Variants in WNT7A observed in about 807,000 individuals in gnomAD.
The protein encoded by WNT7A is protein Wnt-7a.
In WNT7A, 16 loss-of-function variants were observed where a neutral mutation model predicts 28.2. The ratio of observed to expected loss-of-function variants is 0.57; its 90% CI spans 0.38 to 0.86. The LOEUF is 0.86. Among genes scored for constraint, WNT7A ranks in the 40% least tolerant of loss-of-function variants. The probability of loss-of-function intolerance (pLI) is 0.00; values close to 1 mark genes in which losing one functional copy is unlikely to be tolerated. For synonymous variants in WNT7A, 190 were observed against 195.9 expected, an observed-to-expected ratio of 0.97 and a Z score of 0.25; for missense variants, 411 against 489.7, an observed-to-expected ratio of 0.84 and a Z score of 1.52.
rs138905870 is a variant in WNT7A, at chr3:13,830,996, G to A, written c.571-11573C>T. On this transcript the variant is annotated intron_variant, in intron 3 of 3. Transcript: ENST00000285018. ...GATGCAGCAGCTGGGTTAAATGACC[G>A]AAGGTGGAGTTCCAGGGGAAGGAGG... 3.4e-3 allele frequency among the ~76,000 whole-genome samples: 519 copies of A among 152,288 alleles called. 2 individuals are homozygous for A. The highest frequency in any genetic ancestry group is 0.017 in the Middle Eastern group (5 of 294).
Position 13,817,439 on chromosome 3 carries a change from C to CGT in WNT7A, c.*1504_*1505insAC, listed in dbSNP as rs1694023314. ...AAGATACAGTACACACACACACACA[C>CGT]ACACACACACACACACACACACACA... On this transcript the variant is annotated 3_prime_UTR_variant, in exon 4 of 4. Coordinates refer to ENST00000285018, the MANE Select transcript of WNT7A (RefSeq NM_004625.4). The CGT allele has an allele frequency of 2.1e-5, 2 of 97,036 alleles. No individual in the cohort carries two copies. Among genetic ancestry groups the CGT allele is most frequent in the African/African-American group, 9.9e-5 (2 of 20,280 alleles). The allele number at this position is 97,036 out of a possible 1,614,324, so 6.0% of individuals were successfully genotyped here. A position where few individuals can be genotyped will look rare whatever the true frequency, so the allele number is the denominator to read the frequency against.
intron 2 of WNT7A, 48 bp from the exon 3 acceptor site, chr3:13,854,851 A>T (rs1694705029): frequency 6.2e-7 from 1 of 1,607,302 alleles, no homozygotes; most frequent in African/African-American, 1.3e-5. Context: ...GGTCCCAAGC[A>T]TCTGAGAGGA....
intron 2 of WNT7A, among the ~76,000 whole-genome samples, chr3:13,865,250 C>T (rs1049070563): frequency 2.6e-5 from 4 of 152,158 alleles, no homozygotes; most frequent in African/African-American, 9.7e-5. Context: ...CCCTGACTCT[C>T]CAGGAGCAGG....
At chr3:13,820,427 G>A (rs1694088911) in intron 3 of WNT7A, among the ~76,000 whole-genome samples, 1 of 151,822 alleles carries the variant, frequency 6.6e-6, no homozygotes, top group African/African-American at 2.4e-5. Context: ...AAAGCCTTGA[G>A]GCTAAACTAA....
chr3:13,852,133 G>A (rs924845164), intron 3 of WNT7A, among the ~76,000 whole-genome samples: 2 of 152,226 alleles, frequency 1.3e-5, no homozygotes, highest in African/African-American at 2.4e-5. Context: ...ACTGCCAGGG[G>A]AGTTGGGGGC....
At chr3:13,847,451 TTCAGGGTCTCAG>T in intron 3 of WNT7A, among the ~76,000 whole-genome samples, 1 of 152,220 alleles carries the variant, frequency 6.6e-6, no homozygotes, top group South Asian at 2.1e-4. Context: ...GCCCCTCCAG[TTCAGGGTCTCAG>T]TCTCTCATTG....
intron 2 of WNT7A, among the ~76,000 whole-genome samples, chr3:13,856,921 A>G (rs867714834): frequency 1.3e-4 from 14 of 104,958 alleles, no homozygotes; most frequent in Non-Finnish European, 2.4e-4. Context: ...GAAGAAGAAG[A>G]AGAAGAAGAA....
At chr3:13,824,504 T>A (rs1466884221) in intron 3 of WNT7A, among the ~76,000 whole-genome samples, 1 of 152,176 alleles carries the variant, frequency 6.6e-6, no homozygotes, top group East Asian at 1.9e-4. Context: ...CATCCATCGG[T>A]CATTGGACAG....
At chr3:13,853,510 C>T (rs1430776460) in intron 3 of WNT7A, among the ~76,000 whole-genome samples, 1 of 152,218 alleles carries the variant, frequency 6.6e-6, no homozygotes, top group Non-Finnish European at 1.5e-5. Context: ...ATTCCTCCCC[C>T]ACTCACCAGA....
intron 3 of WNT7A, among the ~76,000 whole-genome samples, chr3:13,827,992 A>C (rs1352494373): frequency 6.2e-5 from 9 of 144,362 alleles, no homozygotes; most frequent in East Asian, 2.3e-4. Flanking sequence ...AGCCCCACCC[A>C]ACCCCAGTCC....
chr3:13,875,065 G>C lies in WNT7A; in HGVS notation c.180C>G (p.Ile60Met). ...CCATTTGTGAGCCTTCTCCTATGAC[G>C]ATGATGGCGTCGGGCCGGCTCTGGC... ...AICQSRPDAIIVIGEGSQMGL... is the reference protein window; with the variant it reads ...AICQSRPDAIMVIGEGSQMGL... Residue 60 changes from isoleucine (I) to methionine (M), a missense_variant, in exon 2 of 4, where the codon ATC becomes ATG. By Grantham distance (10) the Ile-to-Met change is conservative. Coordinates refer to ENST00000285018, the MANE Select transcript of WNT7A (RefSeq NM_004625.4). The C allele has an allele frequency of 6.2e-7, 1 of 1,614,240 alleles. No homozygotes were observed. Among genetic ancestry groups the C allele is most frequent in the Non-Finnish European group, 8.5e-7 (1 of 1,180,040 alleles).
chr3:13,828,986 A>G (rs1037995432), intron 3 of WNT7A, among the ~76,000 whole-genome samples: 22 of 152,148 alleles, frequency 1.4e-4, no homozygotes, highest in African/African-American at 5.1e-4. Flanking sequence ...CTGGCTCTCC[A>G]TTTCCTCATT....
At chr3:13,839,042 G>C (rs1389219522) in intron 3 of WNT7A, among the ~76,000 whole-genome samples, 4 of 152,184 alleles carry the variant, frequency 2.6e-5, no homozygotes, top group Admixed American at 2.6e-4. Flanking sequence ...GGATATCTTA[G>C]ATGAAATAAA....
chr3:13,854,826 G>A, intron 2 of WNT7A, 23 bp from the exon 3 acceptor site: 1 of 1,610,388 alleles, frequency 6.2e-7, no homozygotes, highest in Non-Finnish European at 8.5e-7. Flanking sequence ...GAGAAGAGGA[G>A]ACAAGTTGGG....
At chr3:13,874,588 A>T (rs1047431884) in intron 2 of WNT7A, among the ~76,000 whole-genome samples, 1 of 152,172 alleles carries the variant, frequency 6.6e-6, no homozygotes, top group Non-Finnish European at 1.5e-5. Flanking sequence ...ATGTAAATTA[A>T]GAGTAGATCT....
chr3:13,862,600 G>A (rs1035716712), intron 2 of WNT7A, among the ~76,000 whole-genome samples: 1 of 152,240 alleles, frequency 6.6e-6, no homozygotes, highest in Non-Finnish European at 1.5e-5. Context: ...GCCACATGGG[G>A]CTGTCTCACC....
chr3:13,870,312 T>C (rs542685637), intron 2 of WNT7A, among the ~76,000 whole-genome samples: 4 of 152,296 alleles, frequency 2.6e-5, no homozygotes, highest in Non-Finnish European at 5.9e-5. Context: ...ACACAAGAGA[T>C]TCCTGGGGCA....
At chr3:13,825,932 A>T (rs112754301) in intron 3 of WNT7A, among the ~76,000 whole-genome samples, 9 of 151,858 alleles carry the variant, frequency 5.9e-5, no homozygotes, top group Non-Finnish European at 8.8e-5. Context: ...CTTCCAGAGA[A>T]CCCCACCGGC....
chr3:13,868,899 G>C (rs1216359156), intron 2 of WNT7A, among the ~76,000 whole-genome samples: 8 of 141,720 alleles, frequency 5.6e-5, no homozygotes, highest in African/African-American at 2.1e-4. Flanking sequence ...AGGGAGGGAG[G>C]AAGGAAGGAA....
Sources: allele counts gnomAD v4.1 joint callset (sites outside exome capture counted in the v4.1 genomes callset), GRCh38; gene constraint gnomAD v4.1.1; transcripts MANE v1.5; gene names NCBI Gene and HGNC (gene_info 2026-07-23, HGNC 2026-07-21).